ITGAV: variants seen among roughly 807,000 people sequenced by gnomAD.
ITGAV encodes the protein integrin alpha-V.
Under a neutral mutation model 143.8 loss-of-function variants are expected in ITGAV, and 76 were observed. The observed-to-expected ratio is 0.53, with a 90% CI of 0.44 to 0.64. The LOEUF is 0.64. ITGAV is among the 30% of genes least tolerant of loss of function. The pLI, the probability that ITGAV is intolerant of heterozygous loss-of-function variation, is 0.00. For synonymous variants in ITGAV, 453 were observed against 446.7 expected (o/e 1.01, Z -0.18); for missense variants, 1,193 against 1,274.7 (o/e 0.94, Z 0.98).
Position 186,676,806 on chromosome 2 carries a change from T to A in ITGAV, c.2929-7T>A, listed in dbSNP as rs1231403772. ...TTTTTAAAACTAAAAGCTTTTTTCC[T>A]CGATAGGTTACCACTAATGTCACCT... On this transcript the variant is annotated splice_polypyrimidine_tract_variant and splice_region_variant and intron_variant, in intron 28 of 29. Coordinates refer to ENST00000261023, the MANE Select transcript of ITGAV (RefSeq NM_002210.5). 28 of 1,611,542 alleles carry A rather than the reference T, an allele frequency of 1.7e-5. No homozygotes were observed. The highest frequency in any genetic ancestry group is 2.3e-5 in the Non-Finnish European group (27 of 1,179,362).
chr2:186,635,187 G>A (rs1224145410), intron 6 of ITGAV, among the ~76,000 whole-genome samples: 2 of 152,226 alleles, frequency 1.3e-5, no homozygotes, highest in South Asian at 4.1e-4. Flanking sequence ...GTTTTAATAA[G>A]ATTAAAATCA....
At chr2:186,606,638 G>GT (rs1192260277) in intron 2 of ITGAV, among the ~76,000 whole-genome samples, 5 of 152,036 alleles carry the variant, frequency 3.3e-5, no homozygotes, top group Admixed American at 3.3e-4. Context: ...TGTGTTTAAA[G>GT]TTTTTTCCCT....
intron 2 of ITGAV, among the ~76,000 whole-genome samples, chr2:186,606,663 A>G (rs1258226479): frequency 6.6e-6 from 1 of 152,132 alleles, no homozygotes; most frequent in South Asian, 2.1e-4. Flanking sequence ...AACTAATCAA[A>G]AACTGTTTTC....
chr2:186,633,292 T>G (rs766171324), intron 5 of ITGAV, 37 bp from the exon 6 acceptor site: 1 of 1,374,976 alleles, frequency 7.3e-7, no homozygotes, highest in Non-Finnish European at 1.0e-6. Flanking sequence ...TATTTGTTCT[T>G]TAAATATATA....
Position 186,608,262 on chromosome 2 carries a change from A to T in ITGAV, c.316+6111A>T, listed in dbSNP as rs143982672. ...TCATATGGCCTTTGATAGTTTTGTG[A>T]GTTTGAAAGTTTAGTTGAGCCTTAG... On this transcript the variant is annotated intron_variant, in intron 2 of 29. Transcript: ENST00000261023. Among the ~76,000 whole-genome samples, 510 of 152,148 alleles carry T rather than the reference A, an allele frequency of 3.4e-3. 2 individuals are homozygous for T. The highest frequency in any genetic ancestry group is 0.012 in the African/African-American group (484 of 41,516).
At chr2:186,622,814 G>T (rs1225585841) in intron 3 of ITGAV, among the ~76,000 whole-genome samples, 1 of 152,072 alleles carries the variant, frequency 6.6e-6, no homozygotes, top group East Asian at 1.9e-4. Flanking sequence ...CCAGGCTGGA[G>T]TGCAGTGGTG....
At chr2:186,657,089 A>C (rs1574494938) in intron 17 of ITGAV, among the ~76,000 whole-genome samples, 1 of 152,112 alleles carries the variant, frequency 6.6e-6, no homozygotes, top group Admixed American at 6.6e-5. Flanking sequence ...ACAAATTTGT[A>C]TAAAATGTTT....
At chr2:186,659,382 C>T (rs1158612860) in intron 18 of ITGAV, among the ~76,000 whole-genome samples, 1 of 151,444 alleles carries the variant, frequency 6.6e-6, no homozygotes, top group Non-Finnish European at 1.5e-5. Context: ...ATATTTAAAG[C>T]CACTCAACAT....
chr2:186,612,677 G>A (rs1687247992), intron 2 of ITGAV, among the ~76,000 whole-genome samples: 1 of 152,156 alleles, frequency 6.6e-6, no homozygotes, highest in Non-Finnish European at 1.5e-5. Context: ...AGCTTCTGCA[G>A]TACAATTTCC....
At chr2:186,614,196 A>G (rs1218698780) in intron 2 of ITGAV, among the ~76,000 whole-genome samples, 1 of 152,116 alleles carries the variant, frequency 6.6e-6, no homozygotes, top group Non-Finnish European at 1.5e-5. Context: ...TCCATTGATG[A>G]AAATATGAGA....
Position 186,679,434 on chromosome 2 carries a change from A to G in ITGAV, c.*2142A>G, listed in dbSNP as rs200968694. 5.3e-5 allele frequency: 8 copies of G among 152,106 alleles called. No homozygotes were observed. The South Asian group carries it at 8.3e-4, about 16-fold the overall frequency. 9.4% of individuals were successfully genotyped at this position (152,106 alleles called of 1,614,324 possible). On this transcript the variant is annotated 3_prime_UTR_variant, in exon 30 of 30. Coordinates refer to ENST00000261023, the MANE Select transcript of ITGAV (RefSeq NM_002210.5). ...TTTCCTTCAAAAAATGAACATTTAT[A>G]TATCTACAAAAATATGGAGAAGAGT...
At chr2:186,652,218 A>G (rs988539753) in intron 15 of ITGAV, 129 bp downstream of exon 15, 12 of 638,934 alleles carry the variant, frequency 1.9e-5, no homozygotes, top group African/African-American at 5.6e-5. Context: ...TGTTTTTTCT[A>G]TTCTTTTTTT....
chr2:186,661,600 T>TC (rs1688747068), intron 18 of ITGAV, among the ~76,000 whole-genome samples: 1 of 14,624 alleles, frequency 6.8e-5, no homozygotes, highest in African/African-American at 6.0e-4. Flanking sequence ...TTGTTTTTGT[T>TC]TTTTTTTTTT....
chr2:186,599,619 C>T (rs1448886798), intron 1 of ITGAV, among the ~76,000 whole-genome samples: 2 of 152,218 alleles, frequency 1.3e-5, no homozygotes, highest in Non-Finnish European at 2.9e-5. Context: ...CTCAGGACCC[C>T]AGCTCCACCC....
intron 14 of ITGAV, among the ~76,000 whole-genome samples, chr2:186,651,419 G>A (rs996191049): frequency 2.0e-5 from 3 of 152,020 alleles, no homozygotes; most frequent in African/African-American, 7.2e-5. Context: ...AATGTACGTG[G>A]TAAAAATGCA....
At chr2:186,621,017 A>T (rs907962645) in intron 2 of ITGAV, among the ~76,000 whole-genome samples, 1 of 152,124 alleles carries the variant, frequency 6.6e-6, no homozygotes, top group African/African-American at 2.4e-5. Flanking sequence ...AACAGAGGTC[A>T]TTTCTTTATG....
intron 5 of ITGAV, among the ~76,000 whole-genome samples, chr2:186,632,908 A>G (rs1323801478): frequency 3.3e-5 from 5 of 152,100 alleles, no homozygotes; most frequent in Admixed American, 6.6e-5. Flanking sequence ...TTTATTTTAG[A>G]AAAGATACAG....
In ITGAV at chr2:186,636,154, A is replaced by T; in HGVS notation, c.704A>T (p.Asn235Ile). ...YDPNVYSIKY[N>I]NQLATRTAQA... Reference sequence around the variant, plus strand: ...CCCAATGTTTACAGCATCAAGTATAATAACCAATTAGCAACTCGGACTGCA... The same window carrying T: ...CCCAATGTTTACAGCATCAAGTATATTAACCAATTAGCAACTCGGACTGCA... The change falls in exon 7 of 30, where the codon AAT (asparagine) becomes ATT (isoleucine). Residue 235 changes from asparagine (N) to isoleucine (I), a missense_variant. Coordinates refer to ENST00000261023, the MANE Select transcript of ITGAV (RefSeq NM_002210.5). 6.2e-7 allele frequency: 1 copy of T among 1,613,350 alleles called. No homozygotes were observed. Among genetic ancestry groups the T allele is most frequent in the Non-Finnish European group, 8.5e-7 (1 of 1,179,666 alleles).
At chr2:186,656,124 A>C in intron 16 of ITGAV, 123 bp from the exon 17 acceptor site, 1 of 592,982 alleles carries the variant, frequency 1.7e-6, no homozygotes, top group Non-Finnish European at 2.9e-6. Context: ...ATGACATTTT[A>C]AATTAATTAG....
Sources: gnomAD v4.1 joint callset for allele counts (sites outside exome capture counted in the v4.1 genomes callset) on GRCh38, gnomAD v4.1.1 for gene constraint, MANE v1.5 for transcripts, NCBI Gene and HGNC (gene_info 2026-07-23, HGNC 2026-07-21) for gene names.